MFF: variants seen among roughly 807,000 people sequenced by gnomAD.
MFF encodes the protein mitochondrial fission factor, also known as chromosome 2 open reading frame 33.
Under a neutral mutation model 36.9 loss-of-function variants are expected in MFF, and 12 were observed. The observed-to-expected ratio is 0.33, with a 90% CI of 0.21 to 0.53. MFF has a LOEUF of 0.53. Ranked by LOEUF, MFF falls within the 20% of genes least tolerant of loss-of-function variation. The pLI is 0.95. For synonymous variants in MFF, 99 were observed against 126.2 expected (o/e 0.78, Z 1.44); for missense variants, 348 against 366.6 (o/e 0.95, Z 0.42).
rs1334838296 is a variant in MFF at position 227,342,812 on chromosome 2, G to T, written c.440+2432G>T. 1.2e-6 allele frequency: 2 copies of T among 1,613,246 alleles called. No homozygotes were observed. Among genetic ancestry groups the T allele is most frequent in the Non-Finnish European group, 1.7e-6 (2 of 1,179,438 alleles). ...GTTCCAGGCACCGATTTCTGCACCG[G>T]AGTACACGTAAGATTTTATCTGCTC... On this transcript the variant is annotated intron_variant, in intron 5 of 8. Transcript: ENST00000304593.
At chr2:227,352,261 T>C in intron 6 of MFF, 1 of 365,324 alleles carries the variant, frequency 2.7e-6, no homozygotes, top group East Asian at 4.4e-5. Context: ...TTTTATATGT[T>C]GGTGCTGTTT....
chr2:227,334,256 G>A (rs2074818971), intron 4 of MFF, among the ~76,000 whole-genome samples: 1 of 152,188 alleles, frequency 6.6e-6, no homozygotes, highest in South Asian at 2.1e-4. Context: ...GTTATTGTTA[G>A]GAGAGACTTA....
intron 6 of MFF, among the ~76,000 whole-genome samples, chr2:227,349,268 A>AT (rs1424520586): frequency 2.0e-5 from 3 of 152,064 alleles, no homozygotes; most frequent in East Asian, 1.9e-4. Flanking sequence ...AAAAATATGG[A>AT]TTTTTTCCTC....
At chr2:227,342,711 T>C in intron 5 of MFF, 7 of 1,549,056 alleles carry the variant, frequency 4.5e-6, no homozygotes, top group Non-Finnish European at 6.2e-6. Flanking sequence ...TTATAAAAGC[T>C]GAATATGTAA....
At chr2:227,346,295 C>G (rs1326774688) in intron 5 of MFF, 1 of 167,050 alleles carries the variant, frequency 6.0e-6, no homozygotes, top group Admixed American at 6.5e-5. Context: ...ATGTTGAGCC[C>G]TCATTCCACT....
rs180758930 is a variant in MFF, at chr2:227,352,649, G to T, written c.659+76G>T. The T allele has an allele frequency of 7.7e-5, 88 of 1,145,172 alleles. No homozygotes were observed. The African/African-American group carries it at 1.5e-3, about 20-fold the overall frequency. The allele number at this position is 1,145,172 out of a possible 1,614,324, so 70.9% of individuals were successfully genotyped here. A position where few individuals can be genotyped will look rare whatever the true frequency, so the allele number is the denominator to read the frequency against. ...TGTGTTGCAGGGCATGTTGCATGTC[G>T]TAGCCATGCCTGTGTTTGTAGCTGA... On this transcript the variant is annotated intron_variant, in intron 7 of 8. Coordinates refer to ENST00000304593, the MANE Select transcript of MFF (RefSeq NM_001277062.2).
intron 5 of MFF, among the ~76,000 whole-genome samples, chr2:227,344,107 T>G (rs1285246355): frequency 6.6e-6 from 1 of 152,204 alleles, no homozygotes; most frequent in Non-Finnish European, 1.5e-5. Context: ...TTTATGTAAC[T>G]CTTATGTGAT....
At chr2:227,336,995 C>T (rs1376679198) in intron 4 of MFF, among the ~76,000 whole-genome samples, 1 of 152,224 alleles carries the variant, frequency 6.6e-6, no homozygotes, top group Non-Finnish European at 1.5e-5. Flanking sequence ...GGTCTGATCA[C>T]ACTTTGGTGA....
chr2:227,339,066 G>A (rs1281194393), intron 4 of MFF, among the ~76,000 whole-genome samples: 1 of 151,900 alleles, frequency 6.6e-6, no homozygotes, highest in Non-Finnish European at 1.5e-5. Flanking sequence ...GCCAGGTGCG[G>A]TGGTGTGTGC....
intron 2 of MFF, chr2:227,329,801 C>A: frequency 6.8e-7 from 1 of 1,477,052 alleles, no homozygotes; most frequent in Non-Finnish European, 9.2e-7. Flanking sequence ...AAATTTTATT[C>A]AGTTGAGCTG....
At position 227,328,793 on chromosome 2, in the gene MFF, A is replaced by G. The variant is rs1157776115; in HGVS notation, c.-41+4A>G. 8.1e-6 allele frequency: 1 copy of G among 123,718 alleles called. No individual in the cohort carries two copies. Among genetic ancestry groups the G allele is most frequent in the Non-Finnish European group, 1.6e-5 (1 of 61,128 alleles). 7.7% of individuals were successfully genotyped at this position (123,718 alleles called of 1,614,324 possible). ...AAGCAGTAGTTGTTACACATTTGTG[A>G]GTAAAAATGGTCCCTTTTGGCTTAC... On this transcript the variant is annotated splice_donor_region_variant and intron_variant, in intron 2 of 8. Coordinates refer to ENST00000304593, the MANE Select transcript of MFF (RefSeq NM_001277062.2).
intron 4 of MFF, among the ~76,000 whole-genome samples, chr2:227,339,023 CA>C (rs1304768423): frequency 1.3e-5 from 2 of 151,492 alleles, no homozygotes; most frequent in Non-Finnish European, 2.9e-5. Flanking sequence ...GGGAACATGG[CA>C]AAACCCCCAT....
chr2:227,331,270 G>A (rs2106347998), intron 3 of MFF, among the ~76,000 whole-genome samples: 1 of 152,266 alleles, frequency 6.6e-6, no homozygotes, highest in East Asian at 1.9e-4. Context: ...TCATGTAAAT[G>A]GAATCATAGA....
intron 5 of MFF, among the ~76,000 whole-genome samples, chr2:227,344,964 A>C (rs1404412136): frequency 2.0e-5 from 3 of 152,190 alleles, no homozygotes; most frequent in Non-Finnish European, 4.4e-5. Flanking sequence ...TTAAATTATA[A>C]CTGAGGATCA....
At chr2:227,347,443 A>G in intron 6 of MFF, 59 bp downstream of exon 6, 1 of 1,440,318 alleles carries the variant, frequency 6.9e-7, no homozygotes, top group Middle Eastern at 2.1e-4. Flanking sequence ...CCTCTTGTTT[A>G]GTGGACTGTG....
chr2:227,328,295 CAAAAAAAAA>C, intron 1 of MFF, among the ~76,000 whole-genome samples: 1 of 72,644 alleles, frequency 1.4e-5, no homozygotes, highest in African/African-American at 4.5e-5. Flanking sequence ...GCCCGGGTGA[CAAAAAAAAA>C]AAAAAAAAAA....
chr2:227,343,810 C>T (rs530557276), intron 5 of MFF, among the ~76,000 whole-genome samples: 4 of 152,090 alleles, frequency 2.6e-5, no homozygotes, highest in African/African-American at 4.8e-5. Flanking sequence ...TCTTTTGAGA[C>T]GGAGTCTCAC....
At chr2:227,329,698 G>T in intron 2 of MFF, 2 of 1,299,244 alleles carry the variant, frequency 1.5e-6, no homozygotes, top group Non-Finnish European at 2.2e-6. Context: ...GAACTGCAGG[G>T]TAGCAGTATT....
chr2:227,347,173 T>C, intron 5 of MFF, 53 bp from the exon 6 acceptor site: 2 of 1,558,146 alleles, frequency 1.3e-6, no homozygotes, highest in East Asian at 2.3e-5. Flanking sequence ...TGAAGTTTTA[T>C]AAAAATCTGA....
Sources: gnomAD v4.1 joint callset for allele counts (sites outside exome capture counted in the v4.1 genomes callset) on GRCh38, gnomAD v4.1.1 for gene constraint, MANE v1.5 for transcripts, NCBI Gene and HGNC (gene_info 2026-07-23, HGNC 2026-07-21) for gene names.